Variants in MYO9B observed in about 807,000 individuals in gnomAD.
The protein encoded by MYO9B is myosin IXB, also known as unconventional myosin-IXb.
MYO9B carries 71 observed loss-of-function variants against 229.5 expected under a neutral mutation model. The observed-to-expected ratio is 0.31, with a 90% CI of 0.26 to 0.38. MYO9B has a LOEUF of 0.38. Ranked by LOEUF, MYO9B falls within the 10% of genes least tolerant of loss-of-function variation. The pLI, the probability that MYO9B is intolerant of heterozygous loss-of-function variation, is 1.00. For missense variants in MYO9B, 2,255 were observed against 2,920.5 expected (o/e 0.77, Z 5.25); for synonymous variants, 1,185 against 1,235.8 (o/e 0.96, Z 0.86).
rs1464608688 is a variant in MYO9B at position 17,172,285 on chromosome 19, G to A, written c.1794-51G>A. On this transcript the variant is annotated intron_variant, in intron 11 of 39. Coordinates refer to ENST00000682292, the MANE Select transcript of MYO9B (RefSeq NM_004145.4). The surrounding 1 kb of genome is among the most constrained non-coding windows in gnomAD (Gnocchi z 8.2). Reference sequence around the variant, plus strand: ...GGTCTGCAAGATAAAATACACAGCAGGTAAATCAGCCGCTGTTCATGCCTG... The same window carrying A: ...GGTCTGCAAGATAAAATACACAGCAAGTAAATCAGCCGCTGTTCATGCCTG... 6.2e-7 allele frequency: 1 copy of A among 1,605,972 alleles called. No homozygotes were observed. The highest frequency in any genetic ancestry group is 8.5e-7 in the Non-Finnish European group (1 of 1,175,310).
rs62127866 is a variant in MYO9B, at chr19:17,101,020, G to A, written c.-58-640G>A. On this transcript the variant is annotated intron_variant, in intron 1 of 39. Transcript: ENST00000682292. The surrounding 1 kb of genome is among the most constrained non-coding windows in gnomAD (Gnocchi z 4.7). ...ATTCAGAGATGAGGTCAGGAAGGAT[G>A]TGGGCTGGGAAGGGCATAGCAGAAA... is the stretch of plus-strand genomic sequence containing the variant. Among the ~76,000 whole-genome samples, 658 of 150,846 alleles carry A rather than the reference G, an allele frequency of 4.4e-3. 2 individuals are homozygous for A. The highest frequency in any genetic ancestry group is 7.4e-3 in the Non-Finnish European group (505 of 67,834).
intron 8 of MYO9B, among the ~76,000 whole-genome samples, chr19:17,160,513 T>TTC (rs989254320): frequency 4.8e-5 from 7 of 146,062 alleles, no homozygotes; most frequent in African/African-American, 1.8e-4. Context: ...TTTTTTTCTT[T>TTC]TTTTTTTTTT....
At position 17,191,092 on chromosome 19, in the gene MYO9B, C is replaced by G. The variant is rs2072979668; in HGVS notation, c.2689-5C>G. 2 of 1,611,512 alleles carry G rather than the reference C, an allele frequency of 1.2e-6. No individual in the cohort carries two copies. The stretch of plus-strand genomic sequence containing the variant: ...GATTTTCCTTTCTCCACCCAAATAA[C>G]CTAGGATTTCACCGAGCAGTTCCAG... On this transcript the variant is annotated splice_polypyrimidine_tract_variant and splice_region_variant and intron_variant, in intron 19 of 39. Coordinates refer to ENST00000682292, the MANE Select transcript of MYO9B (RefSeq NM_004145.4).
chr19:17,173,014 A>G, intron 13 of MYO9B, 51 bp downstream of exon 13: 2 of 1,574,796 alleles, frequency 1.3e-6, no homozygotes, highest in Non-Finnish European at 1.7e-6. Flanking sequence ...AGAGGGGGGC[A>G]CATCCTGAGT....
chr19:17,117,856 T>G (rs1419547080), intron 2 of MYO9B, among the ~76,000 whole-genome samples: 10 of 147,714 alleles, frequency 6.8e-5, no homozygotes, highest in Admixed American at 6.4e-4. Flanking sequence ...GAGAATGGCT[T>G]GAACCCGGGA....
chr19:17,205,193 C>A, intron 30 of MYO9B, 70 bp from the exon 31 acceptor site: 1 of 1,316,872 alleles, frequency 7.6e-7, no homozygotes, highest in Non-Finnish European at 1.1e-6. Context: ...CCCCGGCCAG[C>A]TGGGTGGGTG....
chr19:17,172,594 G>C lies in MYO9B; in HGVS notation c.1935+117G>C, dbSNP rs2279007. On this transcript the variant is annotated intron_variant, in intron 12 of 39. Transcript: ENST00000682292. The surrounding 1 kb of genome is among the most constrained non-coding windows in gnomAD (Gnocchi z 8.2). ...TTCCAGGGTGCTCAGAACCCACCGCGAATCCCCGGCTCCAATGTCCAAGGC... is the reference window on the plus strand; with the variant it reads ...TTCCAGGGTGCTCAGAACCCACCGCCAATCCCCGGCTCCAATGTCCAAGGC... The C allele has an allele frequency of 2.0e-6, 3 of 1,470,856 alleles. No individual in the cohort carries two copies. The highest frequency in any genetic ancestry group is 2.8e-6 in the Non-Finnish European group (3 of 1,086,052). 91.1% of individuals were successfully genotyped at this position (1,470,856 alleles called of 1,614,324 possible).
rs974307238 is a variant in MYO9B, at chr19:17,107,051, G to A, written c.840+4494G>A. On this transcript the variant is annotated intron_variant, in intron 2 of 39. Transcript: ENST00000682292. Reference sequence around the variant, plus strand: ...GCACTCCAGCCTGGGCAACAAGAGCGAAATCTGTCTCAAAATTAAAAATAA... The same window carrying A: ...GCACTCCAGCCTGGGCAACAAGAGCAAAATCTGTCTCAAAATTAAAAATAA... 9.4e-4 allele frequency among the ~76,000 whole-genome samples: 89 copies of A among 94,814 alleles called. 1 individual carries two copies. Among genetic ancestry groups the A allele is most frequent in the Non-Finnish European group, 1.7e-3 (75 of 45,302 alleles). The allele number at this position is 94,814 out of a possible 152,430, so 62.2% of individuals were successfully genotyped here. A position where few individuals can be genotyped will look rare whatever the true frequency, so the allele number is the denominator to read the frequency against.
chr19:17,157,986 G>A (rs2072555916), intron 7 of MYO9B, among the ~76,000 whole-genome samples: 1 of 152,144 alleles, frequency 6.6e-6, no homozygotes, highest in Non-Finnish European at 1.5e-5. Context: ...TCTGCCCCTA[G>A]GACACACTGG....
At chr19:17,147,870 T>TG (rs796620217) in intron 3 of MYO9B, among the ~76,000 whole-genome samples, 1 of 151,080 alleles carries the variant, frequency 6.6e-6, no homozygotes, top group Non-Finnish European at 1.5e-5. Flanking sequence ...TTAGTAGAGA[T>TG]GGGGTTTCTC....
intron 32 of MYO9B, 23 bp from the exon 33 acceptor site, chr19:17,206,225 G>A: frequency 1.9e-6 from 3 of 1,564,672 alleles, no homozygotes; most frequent in Non-Finnish European, 1.7e-6. Flanking sequence ...CCGCTCACCA[G>A]ACCCACCCCA....
chr19:17,120,657 AAAAAAGAT>A lies in MYO9B; in HGVS notation c.840+18102_840+18109del, dbSNP rs1183336732. 3.8e-4 allele frequency among the ~76,000 whole-genome samples: 58 copies of A among 151,708 alleles called. No homozygotes were observed. The East Asian group carries it at 4.4e-3, about 12-fold the overall frequency. Reference sequence around the variant, plus strand: ...CTGTCTCAAAAAAAAAAAAAAAAAAAAAAAAGATAGATAGATAGATATCTAAATGTATA... The same window carrying A: ...CTGTCTCAAAAAAAAAAAAAAAAAAAAGATAGATAGATATCTAAATGTATA... On this transcript the variant is annotated intron_variant, in intron 2 of 39. Transcript: ENST00000682292.
At chr19:17,175,824 CT>C (rs534528766) in intron 14 of MYO9B, 83 bp downstream of exon 14, 52,474 of 493,454 alleles carry the variant, frequency 0.11, 4 homozygotes, top group Middle Eastern at 0.13. Flanking sequence ...ATGCTACATT[CT>C]TTTTTTTTTT....
In MYO9B at chr19:17,172,297, G is replaced by A. The variant is rs201481497; in HGVS notation, c.1794-39G>A. 577 of 1,593,892 alleles carry A rather than the reference G, an allele frequency of 3.6e-4. 3 individuals are homozygous for A. The highest frequency in any genetic ancestry group is 1.2e-3 in the Middle Eastern group (7 of 5,952). On this transcript the variant is annotated intron_variant, in intron 11 of 39. Coordinates refer to ENST00000682292, the MANE Select transcript of MYO9B (RefSeq NM_004145.4). The surrounding 1 kb of genome is among the most constrained non-coding windows in gnomAD (Gnocchi z 8.2). ...AAAATACACAGCAGGTAAATCAGCC[G>A]CTGTTCATGCCTGCAAAGGTTCCAT... is the stretch of plus-strand genomic sequence containing the variant.
intron 19 of MYO9B, among the ~76,000 whole-genome samples, chr19:17,189,485 A>T (rs895770400): frequency 2.0e-5 from 3 of 151,978 alleles, no homozygotes; most frequent in Non-Finnish European, 4.4e-5. Context: ...AAAAATACAA[A>T]AGCCAGGCGT....
rs137900687 is a variant in MYO9B at position 17,197,915 on chromosome 19, G to A, written c.4113+57G>A. The A allele has an allele frequency of 3.7e-3, 5,887 of 1,589,704 alleles. 152 individuals carry two copies. The African/African-American group carries it at 0.063, about 17-fold the overall frequency. ...CTAAAAATACAAAAATCAGCCAGGC[G>A]TGGTGGCGCTTGCCTGTAACCCCAG... is the stretch of plus-strand genomic sequence containing the variant. On this transcript the variant is annotated intron_variant, in intron 23 of 39. Coordinates refer to ENST00000682292, the MANE Select transcript of MYO9B (RefSeq NM_004145.4).
At chr19:17,156,885 A>C in intron 6 of MYO9B, 24 bp from the exon 7 acceptor site, 1 of 1,607,240 alleles carries the variant, frequency 6.2e-7, no homozygotes, top group South Asian at 1.1e-5. Flanking sequence ...AACTACCCAA[A>C]TATGAGTGCC....
At chr19:17,197,395 G>A (rs1248399252) in intron 22 of MYO9B, among the ~76,000 whole-genome samples, 19 of 143,396 alleles carry the variant, frequency 1.3e-4, no homozygotes, top group Non-Finnish European at 1.8e-4. Flanking sequence ...ATGGATGGAT[G>A]GATAGATAGA....
At position 17,198,292 on chromosome 19, in the gene MYO9B, T is replaced by C; in HGVS notation, c.4222T>C (p.Ser1408Pro). Reference sequence around the variant, plus strand: ...CCCAGACGCAGGGCTGTCCCCGGGCTCTCAGGTCGACTCTAAGTAAGTATT... The same window carrying C: ...CCCAGACGCAGGGCTGTCCCCGGGCCCTCAGGTCGACTCTAAGTAAGTATT... The part of the protein sequence containing the change: ...SLPDAGLSPG[S>P]QVDSKSTFKR... The change falls in exon 24 of 40, where the codon TCT becomes CCT. Residue 1408 changes from serine to proline, a missense_variant. Ser to Pro is a moderately conservative substitution (Grantham distance 74). Around this residue, in one of 7 missense-constraint regions of MYO9B, gnomAD observed 679 missense variants for 770.2 expected, o/e 0.88. Coordinates refer to ENST00000682292, the MANE Select transcript of MYO9B (RefSeq NM_004145.4). 3.1e-6 allele frequency: 5 copies of C among 1,613,778 alleles called. No individual in the cohort carries two copies. The highest frequency in any genetic ancestry group is 4.2e-6 in the Non-Finnish European group (5 of 1,179,842).
Sources: allele counts gnomAD v4.1 joint callset (sites outside exome capture counted in the v4.1 genomes callset), GRCh38; gene constraint gnomAD v4.1.1; regional missense constraint gnomAD v4.1.1; non-coding constraint Gnocchi (gnomAD v3.1); transcripts MANE v1.5; gene names NCBI Gene and HGNC (gene_info 2026-07-23, HGNC 2026-07-21).